Variants in PTPRO observed in about 807,000 individuals in gnomAD.
PTPRO encodes the protein receptor-type tyrosine-protein phosphatase O.
Under a neutral mutation model 145.2 loss-of-function variants are expected in PTPRO, and 62 were observed. That is an observed-to-expected ratio of 0.43 (90% CI 0.35 to 0.53). The LOEUF is 0.53. Ranked by LOEUF, PTPRO falls within the 20% of genes least tolerant of loss-of-function variation. PTPRO has a pLI of 0.01. For missense variants in PTPRO, 1,345 were observed against 1,482.7 expected (o/e 0.91, Z 1.53); for synonymous variants, 565 against 514.7 (o/e 1.10, Z -1.32).
chr12:15,366,281 G>T (rs1938358059), intron 1 of PTPRO, among the ~76,000 whole-genome samples: 1 of 152,092 alleles, frequency 6.6e-6, no homozygotes, highest in African/African-American at 2.4e-5. Context: ...AGAAGCTGTT[G>T]TTTGTCTTTT....
chr12:15,458,083 T>A (rs1399522526), intron 1 of PTPRO, among the ~76,000 whole-genome samples: 3 of 152,198 alleles, frequency 2.0e-5, no homozygotes, highest in African/African-American at 7.2e-5. Flanking sequence ...TTTGGGAAAG[T>A]CATTATCTCT....
At chr12:15,528,264 C>T (rs1942884139) in intron 12 of PTPRO, among the ~76,000 whole-genome samples, 1 of 151,378 alleles carries the variant, frequency 6.6e-6, no homozygotes, top group Non-Finnish European at 1.5e-5. Context: ...CACCTGTAAT[C>T]CCAGCACTTT....
chr12:15,570,066 A>G lies in PTPRO; in HGVS notation c.2829+568A>G, dbSNP rs138764722. ...ATGATTTGTGTTAAGAAAAAAATTGACAACATCTCTTTTTTTCCGAAGGAC... is the reference window on the plus strand; with the variant it reads ...ATGATTTGTGTTAAGAAAAAAATTGGCAACATCTCTTTTTTTCCGAAGGAC... On this transcript the variant is annotated intron_variant, in intron 19 of 26. Coordinates refer to ENST00000281171, the MANE Select transcript of PTPRO (RefSeq NM_030667.3). Among the ~76,000 whole-genome samples, 4 of 152,332 alleles carry G rather than the reference A, an allele frequency of 2.6e-5. No individual in the cohort carries two copies. In the East Asian group the frequency reaches 7.7e-4, roughly 29 times the overall value.
chr12:15,509,574 G>A (rs1439859978), intron 7 of PTPRO, among the ~76,000 whole-genome samples: 3 of 151,420 alleles, frequency 2.0e-5, no homozygotes, highest in Non-Finnish European at 4.4e-5. Context: ...GCACGTGCCT[G>A]TAATCCCAGC....
At chr12:15,337,408 T>C (rs1330799247) in intron 1 of PTPRO, 1 of 152,186 alleles carries the variant, frequency 6.6e-6, no homozygotes. Flanking sequence ...GGGATCCTTA[T>C]GCCAGGACAG....
At position 15,546,598 on chromosome 12, in the gene PTPRO, G is replaced by C; in HGVS notation, c.2194G>C (p.Val732Leu). Residue 732 changes from valine to leucine, a missense_variant, in exon 13 of 27, where the codon GTG becomes CTG. Coordinates refer to ENST00000281171, the MANE Select transcript of PTPRO (RefSeq NM_030667.3). ...AGCTCCACCCAAATCACTCTTCGCA[G>C]TGAACAAAACCCAGACTTCAGTGAC... The part of the protein sequence containing the change: ...EPAPPKSLFA[V>L]NKTQTSVTLL... 1 of 1,612,148 alleles carries C rather than the reference G, an allele frequency of 6.2e-7. No homozygotes were observed. The highest frequency in any genetic ancestry group is 8.5e-7 in the Non-Finnish European group (1 of 1,178,992).
At chr12:15,579,902 G>C in intron 20 of PTPRO, 137 bp from the exon 21 acceptor site, 1 of 697,898 alleles carries the variant, frequency 1.4e-6, no homozygotes, top group Non-Finnish European at 2.5e-6. Context: ...TTGAAGAATA[G>C]CTAAAATATC....
intron 1 of PTPRO, among the ~76,000 whole-genome samples, chr12:15,343,140 CATAAAT>C (rs1345664100): frequency 1.3e-5 from 2 of 152,046 alleles, no homozygotes; most frequent in East Asian, 1.9e-4. Flanking sequence ...AGATGAAAAA[CATAAAT>C]ATAATCTAAT....
intron 24 of PTPRO, among the ~76,000 whole-genome samples, chr12:15,587,363 G>T (rs545326077): frequency 8.8e-4 from 134 of 152,276 alleles, no homozygotes; most frequent in Admixed American, 1.6e-3. Context: ...ATCCAGGCAT[G>T]CCAATCTGCA....
chr12:15,423,808 A>G (rs115708909), intron 1 of PTPRO, among the ~76,000 whole-genome samples: 1,579 of 152,296 alleles, frequency 0.01, 27 homozygotes, highest in African/African-American at 0.036. Flanking sequence ...CAATATCCTA[A>G]TTACTTCCCT....
Position 15,512,202 on chromosome 12 carries a change from C to T in PTPRO, c.1465-3296C>T, listed in dbSNP as rs1187287975. Among the ~76,000 whole-genome samples the T allele has an allele frequency of 2.0e-5, 3 of 152,076 alleles. No homozygotes were observed. In the East Asian group the frequency reaches 5.8e-4, roughly 29 times the overall value. ...TAATCTCGGCTCACTGCAACCTCCA[C>T]CTCCCAGTTTCAAGCGATTCTGTTG... On this transcript the variant is annotated intron_variant, in intron 7 of 26. Transcript: ENST00000281171.
intron 1 of PTPRO, among the ~76,000 whole-genome samples, chr12:15,418,407 A>C (rs538313117): frequency 6.6e-5 from 10 of 151,878 alleles, no homozygotes; most frequent in African/African-American, 2.4e-4. Context: ...TGCCTAGCTC[A>C]ACTCTCATTG....
At chr12:15,473,378 TAGCTCTCC>T (rs973141871) in intron 1 of PTPRO, among the ~76,000 whole-genome samples, 1 of 152,192 alleles carries the variant, frequency 6.6e-6, no homozygotes, top group African/African-American at 2.4e-5. Flanking sequence ...AACAAATGGA[TAGCTCTCC>T]AGGGCCCTGT....
intron 1 of PTPRO, among the ~76,000 whole-genome samples, chr12:15,452,912 A>G (rs1339513608): frequency 6.6e-6 from 1 of 152,150 alleles, no homozygotes; most frequent in African/African-American, 2.4e-5. Flanking sequence ...ATTTGGAAAA[A>G]AATCTCATTT....
chr12:15,474,496 T>C (rs1001244755), intron 1 of PTPRO, among the ~76,000 whole-genome samples: 2 of 152,220 alleles, frequency 1.3e-5, no homozygotes, highest in African/African-American at 4.8e-5. Context: ...ATATGGATCC[T>C]AGACCTTGTC....
At chr12:15,494,847 T>A (rs1942069266) in intron 2 of PTPRO, among the ~76,000 whole-genome samples, 1 of 152,210 alleles carries the variant, frequency 6.6e-6, no homozygotes, top group South Asian at 2.1e-4. Context: ...CTGATGAGGA[T>A]GTGAAACAGG....
rs997975776 is a variant in PTPRO at position 15,374,714 on chromosome 12, T to G, written c.75+51913T>G. On this transcript the variant is annotated intron_variant, in intron 1 of 26. Transcript: ENST00000281171. ...TGTTGAAAGCAATTACAACAGCAAT[T>G]GTTTAACATCACAGATGACACAGTA... Among the ~76,000 whole-genome samples, 9 of 152,282 alleles carry G rather than the reference T, an allele frequency of 5.9e-5. No homozygotes were observed. The East Asian group carries it at 1.5e-3, about 26-fold the overall frequency.
chr12:15,574,377 T>C (rs537435647), intron 19 of PTPRO, among the ~76,000 whole-genome samples: 1 of 152,322 alleles, frequency 6.6e-6, no homozygotes, highest in Non-Finnish European at 1.5e-5. Flanking sequence ...ATAGCTGAAA[T>C]GTGAGAGCCC....
At chr12:15,339,175 T>C (rs1019419515) in intron 1 of PTPRO, among the ~76,000 whole-genome samples, 7 of 152,132 alleles carry the variant, frequency 4.6e-5, no homozygotes, top group African/African-American at 1.7e-4. Context: ...AAAAATTTAA[T>C]ATAAGTCCAA....
Sources: gnomAD v4.1 joint callset for allele counts (sites outside exome capture counted in the v4.1 genomes callset) on GRCh38, gnomAD v4.1.1 for gene constraint, MANE v1.5 for transcripts, NCBI Gene and HGNC (gene_info 2026-07-23, HGNC 2026-07-21) for gene names.